THADA: variants seen among roughly 807,000 people sequenced by gnomAD.
THADA encodes the protein THADA armadillo repeat containing, also known as tRNA (32-2'-O)-methyltransferase regulator THADA.
In THADA, 213 loss-of-function variants were observed where a neutral mutation model predicts 219.8. The observed-to-expected ratio is 0.97, with a 90% CI of 0.87 to 1.09. The LOEUF (loss-of-function observed/expected upper bound fraction) is 1.09, where lower values mean the gene tolerates loss of function less well. Ranked by LOEUF, THADA falls within the 50% of genes least tolerant of loss-of-function variation. The pLI, the probability that THADA is intolerant of heterozygous loss-of-function variation, is 0.00. For synonymous variants in THADA, 1,018 were observed against 828.9 expected (o/e 1.23, Z -3.92); for missense variants, 2,956 against 2,311.3 (o/e 1.28, Z -5.72).
intron 36 of THADA, among the ~76,000 whole-genome samples, chr2:43,253,290 A>G (rs1224517829): frequency 2.0e-5 from 3 of 152,188 alleles, no homozygotes; most frequent in African/African-American, 7.2e-5. Context: ...TGTGTGAAGG[A>G]TGTGTGCAGG....
rs149432517 is a variant in THADA, at chr2:43,384,948, C to T, written c.4227+13023G>A. On this transcript the variant is annotated intron_variant, in intron 29 of 37. Transcript: ENST00000405975. ...CTGAGGTCAGGAGTTCTAGATAAGC[C>T]GGGCTAACATGGTGAAACACCATCT... 2.1e-4 allele frequency among the ~76,000 whole-genome samples: 32 copies of T among 152,078 alleles called. No homozygotes were observed. In the East Asian group the frequency reaches 4.3e-3, roughly 20 times the overall value.
In THADA at chr2:43,549,433, G is replaced by A. The variant is rs530107761; in HGVS notation, c.2948-65C>T. The A allele has an allele frequency of 1.2e-5, 17 of 1,476,578 alleles. No homozygotes were observed. The South Asian group carries it at 1.5e-4, about 13-fold the overall frequency. The allele number at this position is 1,476,578 out of a possible 1,614,324, so 91.5% of individuals were successfully genotyped here. A position where few individuals can be genotyped will look rare whatever the true frequency, so the allele number is the denominator to read the frequency against. ...CATCACATGCCAGATTTCCCTTGGGGATGCTTACTCAAAAAATCTATAATT... is the reference window on the plus strand; with the variant it reads ...CATCACATGCCAGATTTCCCTTGGGAATGCTTACTCAAAAAATCTATAATT... On this transcript the variant is annotated intron_variant, in intron 19 of 37. Coordinates refer to ENST00000405975, the MANE Select transcript of THADA (RefSeq NM_022065.5).
At chr2:43,486,881 G>C (rs768879964) in intron 25 of THADA, among the ~76,000 whole-genome samples, 1 of 152,150 alleles carries the variant, frequency 6.6e-6, no homozygotes, top group Non-Finnish European at 1.5e-5. Flanking sequence ...AAATAAAACA[G>C]TGGTAGGCTA....
chr2:43,355,462 A>ATTTC (rs1279641930), intron 29 of THADA, among the ~76,000 whole-genome samples: 55 of 152,256 alleles, frequency 3.6e-4, no homozygotes, highest in African/African-American at 1.3e-3. Context: ...CTGCCTTTTC[A>ATTTC]ACTTGTTTAT....
At chr2:43,487,937 T>C (rs991983606) in intron 25 of THADA, among the ~76,000 whole-genome samples, 3 of 152,212 alleles carry the variant, frequency 2.0e-5, no homozygotes, top group Non-Finnish European at 4.4e-5. Context: ...TGATGATCAT[T>C]ACATTTTCCA....
chr2:43,462,505 A>G (rs1388058953), intron 26 of THADA, among the ~76,000 whole-genome samples: 1 of 152,228 alleles, frequency 6.6e-6, no homozygotes, highest in African/African-American at 2.4e-5. Context: ...CTAAAATAGA[A>G]GGTAACAACC....
At chr2:43,238,955 C>T (rs1267371271) in intron 36 of THADA, among the ~76,000 whole-genome samples, 2 of 152,098 alleles carry the variant, frequency 1.3e-5, no homozygotes, top group Non-Finnish European at 2.9e-5. Context: ...GAGGCTCTTC[C>T]TCCCACCGGC....
rs1249370225 is a variant in THADA at position 43,574,832 on chromosome 2, G to C, written c.1233C>G (p.Thr411=). 2 of 1,613,856 alleles carry C rather than the reference G, an allele frequency of 1.2e-6. No individual in the cohort carries two copies. The highest frequency in any genetic ancestry group is 2.7e-5 in the African/African-American group (2 of 74,914). ...EHPLDALRHQ[T]KIMFKNLLQM... is the part of the protein sequence containing the mutation. ...GGAGAAGGTTTTTGAACATGATTTT[G>C]GTTTGGTGTCTCAGAGCATCCAATG... is the stretch of plus-strand genomic sequence containing the variant. The change falls in exon 11 of 38, where the codon ACC becomes ACG. Residue 411 remains threonine (T), a synonymous_variant. Transcript: ENST00000405975.
At chr2:43,457,994 G>A (rs968177263) in intron 26 of THADA, among the ~76,000 whole-genome samples, 1 of 151,722 alleles carries the variant, frequency 6.6e-6, no homozygotes, top group East Asian at 1.9e-4. Flanking sequence ...TCTACCTCTC[G>A]ACAAAAAACA....
At chr2:43,400,528 T>C (rs1674712223) in intron 28 of THADA, among the ~76,000 whole-genome samples, 1 of 147,694 alleles carries the variant, frequency 6.8e-6, no homozygotes, top group Non-Finnish European at 1.5e-5. Context: ...TGTCGCCTAC[T>C]GGCGGCAGGG....
chr2:43,440,160 CT>C (rs1406886404), intron 26 of THADA, among the ~76,000 whole-genome samples: 4 of 152,130 alleles, frequency 2.6e-5, no homozygotes, highest in Non-Finnish European at 5.9e-5. Flanking sequence ...CAGGTATATA[CT>C]TTTAGTTTGT....
chr2:43,297,723 T>TG (rs1430953352), intron 31 of THADA, among the ~76,000 whole-genome samples: 6 of 67,588 alleles, frequency 8.9e-5, no homozygotes, highest in Admixed American at 1.5e-4. Flanking sequence ...GGGAGGGAGG[T>TG]GGGGGGGTCG....
chr2:43,381,514 A>G (rs1672024780), intron 29 of THADA, among the ~76,000 whole-genome samples: 1 of 152,134 alleles, frequency 6.6e-6, no homozygotes, highest in Admixed American at 6.5e-5. Flanking sequence ...GAGAAGCTCT[A>G]TAGTGGAGAA....
chr2:43,541,333 C>A lies in THADA; in HGVS notation c.3107-17G>T, dbSNP rs202039985. ...CTTCTTTACCTTAAACAAAAAAAAA[C>A]ACAACGATTGCAACCTTGATTACTC... is the stretch of plus-strand genomic sequence containing the variant. On this transcript the variant is annotated splice_polypyrimidine_tract_variant and intron_variant, in intron 20 of 37. Transcript: ENST00000405975. 91 of 1,608,534 alleles carry A rather than the reference C, an allele frequency of 5.7e-5. No homozygotes were observed. In the African/African-American group the frequency reaches 1.0e-3, roughly 18 times the overall value.
chr2:43,285,080 T>C (rs1673828598), intron 35 of THADA, among the ~76,000 whole-genome samples: 1 of 152,114 alleles, frequency 6.6e-6, no homozygotes, highest in African/African-American at 2.4e-5. Context: ...GGCTCATGGG[T>C]GGAAGGGAGT....
At chr2:43,317,099 T>A (rs1678170001) in intron 31 of THADA, among the ~76,000 whole-genome samples, 1 of 152,190 alleles carries the variant, frequency 6.6e-6, no homozygotes, top group Non-Finnish European at 1.5e-5. Context: ...CTAAATAACT[T>A]GCCTAAGGTC....
intron 15 of THADA, chr2:43,563,005 T>C (rs1698255325): frequency 1.3e-5 from 2 of 152,340 alleles, no homozygotes; most frequent in South Asian, 4.1e-4. Context: ...TGTTAATCTT[T>C]AAAAAACACA....
At chr2:43,293,393 T>C (rs1558532554) in intron 31 of THADA, among the ~76,000 whole-genome samples, 180 bp from the exon 32 acceptor site, 1 of 152,148 alleles carries the variant, frequency 6.6e-6, no homozygotes, top group Admixed American at 6.5e-5. Flanking sequence ...CCACAACAAT[T>C]TCCATTTAGG....
chr2:43,284,938 G>A (rs1040825445), intron 35 of THADA, among the ~76,000 whole-genome samples: 5 of 152,188 alleles, frequency 3.3e-5, no homozygotes, highest in African/African-American at 1.2e-4. Flanking sequence ...CTGCCCTGCT[G>A]GGTTTTGAAC....
Sources: gnomAD v4.1 joint callset for allele counts (sites outside exome capture counted in the v4.1 genomes callset) on GRCh38, gnomAD v4.1.1 for gene constraint, MANE v1.5 for transcripts, NCBI Gene and HGNC (gene_info 2026-07-23, HGNC 2026-07-21) for gene names.